Variants in SCRG1 observed in about 807,000 individuals in gnomAD.
SCRG1 encodes stimulator of chondrogenesis 1, also known as scrapie-responsive protein 1.
In SCRG1, 3 loss-of-function variants were observed where a neutral mutation model predicts 7.7. That is an observed-to-expected ratio of 0.39 (90% CI 0.18 to 1.01). The LOEUF (loss-of-function observed/expected upper bound fraction) is 1.01. Among genes scored for constraint, SCRG1 ranks in the 50% least tolerant of loss-of-function variants. The pLI is 0.36. For synonymous variants in SCRG1, 46 were observed against 41.2 expected, an observed-to-expected ratio of 1.12 and a Z score of -0.44; for missense variants, 110 against 117.2, an observed-to-expected ratio of 0.94 and a Z score of 0.28.
At chr4:173,501,513 C>T in the SCRG1 span, among the ~76,000 whole-genome samples, 8 of 152,324 alleles carry the variant, frequency 5.3e-5, no homozygotes, top group African/African-American at 1.9e-4. The surrounding 1 kb of genome is among the most constrained non-coding windows in gnomAD (Gnocchi z 5.1). Context: ...CTTGGACTCT[C>T]AGTAGGCACA....
the SCRG1 span, among the ~76,000 whole-genome samples, chr4:173,427,757 AGTGG>A: frequency 6.6e-6 from 1 of 152,208 alleles, no homozygotes; most frequent in Non-Finnish European, 1.5e-5. Flanking sequence ...TCTCTGAGGT[AGTGG>A]GAGTTAGGAC....
At chr4:173,476,428 A>G in the SCRG1 span, among the ~76,000 whole-genome samples, 1 of 149,028 alleles carries the variant, frequency 6.7e-6, no homozygotes, top group Non-Finnish European at 1.5e-5. Flanking sequence ...ATAAGGATTG[A>G]ATTTGTGACC....
chr4:173,441,519 A>G, the SCRG1 span, among the ~76,000 whole-genome samples: 1 of 152,044 alleles, frequency 6.6e-6, no homozygotes, highest in East Asian at 1.9e-4. Flanking sequence ...ATTTTTCTCT[A>G]ATTTTGGGTC....
the SCRG1 span, among the ~76,000 whole-genome samples, chr4:173,499,224 A>C: frequency 1.3e-5 from 2 of 152,334 alleles, no homozygotes; most frequent in South Asian, 4.1e-4. The surrounding 1 kb of genome is among the most constrained non-coding windows in gnomAD (Gnocchi z 4.1). Flanking sequence ...CCTCCCACTG[A>C]GGGCAATGTG....
chr4:173,413,713 G>A, the SCRG1 span, among the ~76,000 whole-genome samples: 63,904 of 152,160 alleles, frequency 0.42, 15,331 homozygotes, highest in Non-Finnish European at 0.54. Context: ...GTGAGTGGAT[G>A]TGTGGCAGCT....
chr4:173,438,588 ATAT>A, the SCRG1 span, among the ~76,000 whole-genome samples: 1 of 152,206 alleles, frequency 6.6e-6, no homozygotes, highest in Non-Finnish European at 1.5e-5. Flanking sequence ...AATGACTAAT[ATAT>A]TAATCATGAG....
the SCRG1 span, among the ~76,000 whole-genome samples, chr4:173,454,146 G>A: frequency 6.6e-6 from 1 of 152,120 alleles, no homozygotes; most frequent in South Asian, 2.1e-4. Flanking sequence ...GCCAGGGAAG[G>A]GAGAAACTGG....
chr4:173,455,781 AT>A, the SCRG1 span, among the ~76,000 whole-genome samples: 5 of 149,442 alleles, frequency 3.3e-5, no homozygotes, highest in African/African-American at 1.2e-4. Context: ...AGGAATATAT[AT>A]TTTTCAAGTG....
chr4:173,415,705 C>T, the SCRG1 span, among the ~76,000 whole-genome samples: 1 of 152,138 alleles, frequency 6.6e-6, no homozygotes, highest in African/African-American at 2.4e-5. Context: ...TCAGAGAAAC[C>T]AAATAGCGTG....
the SCRG1 span, among the ~76,000 whole-genome samples, chr4:173,434,080 G>A: frequency 5.3e-5 from 8 of 152,252 alleles, no homozygotes; most frequent in South Asian, 2.1e-4. Context: ...ACCGGACCTC[G>A]ATGGAAAAGA....
At chr4:173,512,707 T>C in the SCRG1 span, among the ~76,000 whole-genome samples, 1 of 152,184 alleles carries the variant, frequency 6.6e-6, no homozygotes, top group African/African-American at 2.4e-5. Flanking sequence ...GCATGGCACT[T>C]TTCCTACAAG....
the SCRG1 span, among the ~76,000 whole-genome samples, chr4:173,446,210 A>G: frequency 6.6e-6 from 1 of 152,188 alleles, no homozygotes; most frequent in East Asian, 1.9e-4. Flanking sequence ...CATAAGCATT[A>G]AGTTTCAGAG....
chr4:173,513,247 C>G, the SCRG1 span, among the ~76,000 whole-genome samples: 1 of 151,694 alleles, frequency 6.6e-6, no homozygotes, highest in African/African-American at 2.4e-5. Flanking sequence ...TTTTCTTATT[C>G]TTTGTCCTCA....
At chr4:173,445,233 TTCTTA>T in the SCRG1 span, among the ~76,000 whole-genome samples, 1 of 152,112 alleles carries the variant, frequency 6.6e-6, no homozygotes. Context: ...TTATATGAAG[TTCTTA>T]TCTTACATCT....
the SCRG1 span, chr4:173,468,330 T>C: frequency 6.6e-6 from 1 of 152,160 alleles, no homozygotes; most frequent in African/African-American, 2.4e-5. Context: ...TAGCCTAGGC[T>C]ACACTATATG....
chr4:173,511,602 G>C, the SCRG1 span, among the ~76,000 whole-genome samples: 1 of 151,948 alleles, frequency 6.6e-6, no homozygotes, highest in Non-Finnish European at 1.5e-5. The surrounding 1 kb of genome is among the most constrained non-coding windows in gnomAD (Gnocchi z 5.2). Context: ...ATGCTGGCCG[G>C]GTACCAAGAG....
chr4:173,440,582 A>T, the SCRG1 span, among the ~76,000 whole-genome samples: 1 of 152,180 alleles, frequency 6.6e-6, no homozygotes, highest in African/African-American at 2.4e-5. Context: ...ACACGAAAAG[A>T]CATATCCAAT....
the SCRG1 span, among the ~76,000 whole-genome samples, chr4:173,497,949 G>T: frequency 1.3e-5 from 2 of 152,116 alleles, no homozygotes; most frequent in Non-Finnish European, 2.9e-5. Context: ...CAAAGTGCGG[G>T]GATTACAGGC....
chr4:173,449,479 G>A, the SCRG1 span, among the ~76,000 whole-genome samples: 2 of 141,228 alleles, frequency 1.4e-5, no homozygotes, highest in Non-Finnish European at 1.5e-5. Flanking sequence ...TGGTCTCCCA[G>A]GGCATAGCTG....
Sources: gnomAD v4.1 joint callset for allele counts (sites outside exome capture counted in the v4.1 genomes callset) on GRCh38, gnomAD v4.1.1 for gene constraint, Gnocchi (gnomAD v3.1) non-coding constraint, MANE v1.5 for transcripts, NCBI Gene and HGNC (gene_info 2026-07-23, HGNC 2026-07-21) for gene names.